The following BLTP3B variants were observed in gnomAD, a reference collection of about 807,000 sequenced individuals.
BLTP3B encodes UHRF1 (ICBP90) binding protein 1-like.
At chr12:100,124,934 TTTTATATA>T in the BLTP3B span, among the ~76,000 whole-genome samples, 3 of 36,986 alleles carry the variant, frequency 8.1e-5, no homozygotes, top group East Asian at 1.8e-3. Flanking sequence ...AAAAAAAAAA[TTTTATATA>T]TATATATATA....
chr12:100,039,489 C>G, the BLTP3B span: 1 of 1,172,504 alleles, frequency 8.5e-7, no homozygotes, highest in Non-Finnish European at 1.2e-6. Context: ...CAATAACAAG[C>G]ACTCGGTACA....
the BLTP3B span, chr12:100,051,137 G>T: frequency 6.2e-7 from 1 of 1,614,106 alleles, no homozygotes. Flanking sequence ...ATCTGGAGAA[G>T]TTTCACCATA....
chr12:100,141,433 A>ATG, the BLTP3B span, among the ~76,000 whole-genome samples: 6 of 128,430 alleles, frequency 4.7e-5, no homozygotes, highest in Non-Finnish European at 9.5e-5. Flanking sequence ...ATATGTACAT[A>ATG]TGTATATATA....
At chr12:100,098,531 A>G in the BLTP3B span, 1 of 1,605,984 alleles carries the variant, frequency 6.2e-7, no homozygotes, top group Non-Finnish European at 8.5e-7. Context: ...TTTTCAGCAA[A>G]GCCGTATTCA....
the BLTP3B span, among the ~76,000 whole-genome samples, chr12:100,049,334 G>T: frequency 6.6e-6 from 1 of 152,166 alleles, no homozygotes; most frequent in Non-Finnish European, 1.5e-5. Flanking sequence ...GTCCTCATAA[G>T]AAGACTGCTA....
chr12:100,039,995 C>T, the BLTP3B span, among the ~76,000 whole-genome samples: 1 of 151,926 alleles, frequency 6.6e-6, no homozygotes, highest in African/African-American at 2.4e-5. Context: ...AGAATTCTTC[C>T]CAAGAATTTG....
chr12:100,083,142 A>T, the BLTP3B span: 1 of 1,596,524 alleles, frequency 6.3e-7, no homozygotes, highest in African/African-American at 1.3e-5. Flanking sequence ...TCTCTGTTGG[A>T]AACAAAAACT....
chr12:100,089,197 A>C, the BLTP3B span: 3 of 941,174 alleles, frequency 3.2e-6, no homozygotes, highest in African/African-American at 5.1e-5. Flanking sequence ...AAATAACCAT[A>C]GTACATCTTA....
chr12:100,061,417 G>C, the BLTP3B span, among the ~76,000 whole-genome samples: 1 of 152,154 alleles, frequency 6.6e-6, no homozygotes, highest in Non-Finnish European at 1.5e-5. Context: ...CAGCACTTTG[G>C]GAGGCCGAGG....
the BLTP3B span, among the ~76,000 whole-genome samples, chr12:100,140,729 A>AAAAAAATATATATACATAT: frequency 1.6e-5 from 1 of 61,506 alleles, no homozygotes; most frequent in South Asian, 5.6e-4. Flanking sequence ...AAAAAAAAAA[A>AAAAAAATATATATACATAT]ATATATATAT....
chr12:100,119,416 C>T, the BLTP3B span, among the ~76,000 whole-genome samples: 5 of 152,112 alleles, frequency 3.3e-5, no homozygotes, highest in Non-Finnish European at 5.9e-5. Flanking sequence ...CCCAAGCAGG[C>T]TTCTTTTTTG....
chr12:100,090,415 C>T, the BLTP3B span, among the ~76,000 whole-genome samples: 1,365 of 152,114 alleles, frequency 9.0e-3, 27 homozygotes, highest in African/African-American at 0.031. Context: ...GATTATCTGA[C>T]ATATGAGCCA....
chr12:100,041,531 G>T, the BLTP3B span, among the ~76,000 whole-genome samples: 7 of 149,610 alleles, frequency 4.7e-5, no homozygotes, highest in African/African-American at 1.7e-4. Context: ...CCGCCTCCTG[G>T]GTTCAAGTGA....
chr12:100,092,875 T>C, the BLTP3B span: 17 of 983,798 alleles, frequency 1.7e-5, no homozygotes, highest in Non-Finnish European at 2.1e-5. Flanking sequence ...TCCTTATACT[T>C]TTTCAGCTTC....
the BLTP3B span, among the ~76,000 whole-genome samples, chr12:100,120,798 A>T: frequency 6.9e-6 from 1 of 145,810 alleles, no homozygotes; most frequent in Non-Finnish European, 1.5e-5. Context: ...TATGTAAGAG[A>T]GAGAGAGAGA....
chr12:100,098,311 C>A, the BLTP3B span: 3 of 1,518,478 alleles, frequency 2.0e-6, no homozygotes, highest in South Asian at 2.5e-5. Context: ...TTTTACTTGT[C>A]ACTAAATGAA....
At chr12:100,046,700 A>C in the BLTP3B span, among the ~76,000 whole-genome samples, 3 of 152,114 alleles carry the variant, frequency 2.0e-5, no homozygotes, top group Admixed American at 1.3e-4. Flanking sequence ...CGTTGGGTAC[A>C]TGTACCCTAG....
chr12:100,118,278 G>A, the BLTP3B span, among the ~76,000 whole-genome samples: 2 of 151,942 alleles, frequency 1.3e-5, no homozygotes, highest in African/African-American at 2.4e-5. Flanking sequence ...TGTAGTTCTA[G>A]CTACTCAGGA....
chr12:100,142,828 C>T, the BLTP3B span: 18 of 721,994 alleles, frequency 2.5e-5, no homozygotes, highest in African/African-American at 3.3e-4. Flanking sequence ...CAGGCCGCCA[C>T]GGCCGCCGCG....
Sources: gnomAD v4.1 joint callset for allele counts (sites outside exome capture counted in the v4.1 genomes callset) on GRCh38, gnomAD v4.1.1 for gene constraint, MANE v1.5 for transcripts, NCBI Gene and HGNC (gene_info 2026-07-23, HGNC 2026-07-21) for gene names.